The following DLG1 variants were observed in gnomAD, a reference collection of about 807,000 sequenced individuals.
The protein encoded by DLG1 is discs large MAGUK scaffold protein 1, also known as disks large homolog 1.
DLG1 carries 42 observed loss-of-function variants against 123.4 expected under a neutral mutation model. The observed-to-expected ratio is 0.34, with a 90% CI of 0.27 to 0.44. DLG1 has a LOEUF of 0.44. Ranked by LOEUF, DLG1 falls within the 20% of genes least tolerant of loss-of-function variation. DLG1 has a pLI of 1.00. For missense variants in DLG1, 942 were observed against 1,082.6 expected (o/e 0.87, Z 1.82); for synonymous variants, 317 against 356.2 (o/e 0.89, Z 1.24).
intron 5 of DLG1, chr3:197,183,716 CT>C: frequency 6.4e-7 from 1 of 1,550,554 alleles, no homozygotes; most frequent in Non-Finnish European, 8.7e-7. Context: ...AGTGTTTCTG[CT>C]TTGGGCCTGC....
chr3:197,235,832 G>C (rs377606029), intron 4 of DLG1, among the ~76,000 whole-genome samples: 1 of 152,146 alleles, frequency 6.6e-6, no homozygotes. Context: ...AATGCAAAAT[G>C]ACAGAATTAG....
At chr3:197,164,148 T>G (rs1369195885) in intron 5 of DLG1, among the ~76,000 whole-genome samples, 6 of 151,888 alleles carry the variant, frequency 4.0e-5, no homozygotes. Flanking sequence ...TCTCAGCACT[T>G]TGGGAGGCCG....
intron 4 of DLG1, among the ~76,000 whole-genome samples, chr3:197,201,063 G>A (rs1396306814): frequency 1.3e-5 from 2 of 152,168 alleles, no homozygotes; most frequent in Non-Finnish European, 2.9e-5. Context: ...GTTTGCTGAT[G>A]ACATCATCTT....
At chr3:197,158,937 C>G (rs9845740) in intron 5 of DLG1, among the ~76,000 whole-genome samples, 1 of 152,008 alleles carries the variant, frequency 6.6e-6, no homozygotes, top group Non-Finnish European at 1.5e-5. Context: ...AGTTTTAAAG[C>G]AGAGTATTTA....
At chr3:197,081,314 A>T (rs2149064338) in intron 16 of DLG1, among the ~76,000 whole-genome samples, 197 bp from the exon 17 acceptor site, 1 of 152,314 alleles carries the variant, frequency 6.6e-6, no homozygotes, top group African/African-American at 2.4e-5. Context: ...ACAAAACCTG[A>T]TGCTATGAAG....
chr3:197,211,108 C>A (rs1731048146), intron 4 of DLG1, among the ~76,000 whole-genome samples: 1 of 145,994 alleles, frequency 6.8e-6, no homozygotes. Context: ...AATATGTGAT[C>A]CAATTGAATA....
At chr3:197,116,780 C>T (rs1007944804) in intron 12 of DLG1, among the ~76,000 whole-genome samples, 2 of 151,952 alleles carry the variant, frequency 1.3e-5, no homozygotes, top group African/African-American at 2.4e-5. Flanking sequence ...AAGAGTATAC[C>T]GAAGACACCA....
At chr3:197,157,879 T>C (rs1797040810) in intron 5 of DLG1, among the ~76,000 whole-genome samples, 1 of 152,126 alleles carries the variant, frequency 6.6e-6, no homozygotes, top group South Asian at 2.1e-4. Context: ...CAGAAATAAA[T>C]GCCATATACA....
chr3:197,137,390 A>C (rs1785560639), intron 9 of DLG1, among the ~76,000 whole-genome samples: 1 of 152,214 alleles, frequency 6.6e-6, no homozygotes, highest in African/African-American at 2.4e-5. Flanking sequence ...GTGTACCTGC[A>C]TTTAAAGTAT....
chr3:197,155,490 T>A (rs943134148), intron 5 of DLG1, among the ~76,000 whole-genome samples: 2 of 152,172 alleles, frequency 1.3e-5, no homozygotes, highest in Non-Finnish European at 2.9e-5. Flanking sequence ...CAAAGTCATA[T>A]GAAGAAATAA....
At position 197,130,731 on chromosome 3, in the gene DLG1, C is replaced by T. The variant is rs1220487309; in HGVS notation, c.1021-60G>A. 40 of 1,349,712 alleles carry T rather than the reference C, an allele frequency of 3.0e-5. No homozygotes were observed. In the East Asian group the frequency reaches 8.8e-4, roughly 30 times the overall value. The allele number at this position is 1,349,712 out of a possible 1,614,324, so 83.6% of individuals were successfully genotyped here. On this transcript the variant is annotated intron_variant, in intron 10 of 24. Coordinates refer to ENST00000667157, the MANE Select transcript of DLG1 (RefSeq NM_001366207.1). ...TCACTTGTTCTCTGAGTTTTGGAAA[C>T]AATTTCACGAAAAGAAAGGGAAAAT...
At chr3:197,222,481 G>C (rs1737649112) in intron 4 of DLG1, among the ~76,000 whole-genome samples, 1 of 152,168 alleles carries the variant, frequency 6.6e-6, no homozygotes, top group Admixed American at 6.5e-5. Context: ...ATTTCACCCA[G>C]GGAGAAGTGG....
intron 15 of DLG1, among the ~76,000 whole-genome samples, chr3:197,087,254 T>C (rs903339761): frequency 5.3e-5 from 8 of 152,178 alleles, no homozygotes; most frequent in Non-Finnish European, 8.8e-5. Context: ...AATATGTGAG[T>C]GACTAAAAGA....
In DLG1 at chr3:197,270,069, C is replaced by T. The variant is rs1015857031; in HGVS notation, c.318+12610G>A. Among the ~76,000 whole-genome samples, 4 of 152,042 alleles carry T rather than the reference C, an allele frequency of 2.6e-5. No homozygotes were observed. In the East Asian group the frequency reaches 7.7e-4, roughly 29 times the overall value. On this transcript the variant is annotated intron_variant, in intron 4 of 24. Transcript: ENST00000667157. The stretch of plus-strand genomic sequence containing the variant: ...GTCACCTGCCTGTCCACTTTCTTAC[C>T]TCTCAAAAATAACACCTCAAAGAAA...
chr3:197,131,747 C>A (rs1002135643), intron 10 of DLG1, among the ~76,000 whole-genome samples: 3 of 150,524 alleles, frequency 2.0e-5, no homozygotes, highest in Admixed American at 6.6e-5. Flanking sequence ...GCGCCCGCCA[C>A]TACGCCCGGC....
chr3:197,110,215 A>T (rs1162898942), intron 13 of DLG1, among the ~76,000 whole-genome samples: 1 of 152,102 alleles, frequency 6.6e-6, no homozygotes, highest in Admixed American at 6.6e-5. Flanking sequence ...CAGCATCAAA[A>T]TCTCAATTGA....
intron 15 of DLG1, among the ~76,000 whole-genome samples, chr3:197,088,167 T>G (rs1271375707): frequency 6.6e-6 from 1 of 152,124 alleles, no homozygotes; most frequent in Non-Finnish European, 1.5e-5. Context: ...TTATCTTCAT[T>G]TCTCTATTCC....
In DLG1 at chr3:197,256,686, A is replaced by ATGCT. The variant is rs1757021503; in HGVS notation, c.318+25992_318+25993insAGCA. On this transcript the variant is annotated intron_variant, in intron 4 of 24. Transcript: ENST00000667157. Reference sequence around the variant, plus strand: ...AAACTAAAAATAATTAGTTTAGAAAAATGTATCTTTACCTATAGTTTGGTT... The same window carrying ATGCT: ...AAACTAAAAATAATTAGTTTAGAAAATGCTATGTATCTTTACCTATAGTTTGGTT... Among the ~76,000 whole-genome samples, 4 of 152,348 alleles carry ATGCT rather than the reference A, an allele frequency of 2.6e-5. No individual in the cohort carries two copies. The South Asian group carries it at 8.3e-4, about 32-fold the overall frequency.
At chr3:197,099,129 G>A (rs1003438279) in intron 14 of DLG1, among the ~76,000 whole-genome samples, 1 of 152,140 alleles carries the variant, frequency 6.6e-6, no homozygotes, top group Non-Finnish European at 1.5e-5. Context: ...GCAGTGGCAC[G>A]ATCATGGCTC....
Sources: gnomAD v4.1 joint callset for allele counts (sites outside exome capture counted in the v4.1 genomes callset) on GRCh38, gnomAD v4.1.1 for gene constraint, MANE v1.5 for transcripts, NCBI Gene and HGNC (gene_info 2026-07-23, HGNC 2026-07-21) for gene names.